Variants in NR3C2 observed in about 807,000 individuals in gnomAD.
NR3C2 encodes mineralocorticoid receptor.
A neutral mutation model predicts 86.4 loss-of-function variants in NR3C2; 15 were observed. The ratio of observed to expected loss-of-function variants is 0.17; its 90% CI spans 0.12 to 0.27. The LOEUF is 0.27. Among genes scored for constraint, NR3C2 ranks in the 10% least tolerant of loss-of-function variants. The pLI is 1.00. For missense variants in NR3C2, 960 were observed against 1,195.6 expected, an observed-to-expected ratio of 0.80 and a Z score of 2.91; for synonymous variants, 458 against 450.5, an observed-to-expected ratio of 1.02 and a Z score of -0.21.
rs148768869 is a variant in NR3C2, at chr4:148,106,206, C to T, written c.2799+7898G>A. Among the ~76,000 whole-genome samples, 340 of 152,252 alleles carry T rather than the reference C, an allele frequency of 2.2e-3. 1 individual carries two copies. Among genetic ancestry groups the T allele is most frequent in the African/African-American group, 6.7e-3 (277 of 41,550 alleles). ...AAATGTGCAAAAATCACAAGCATTG[C>T]CATACACCAACAATAGGCAAGCAAA... On this transcript the variant is annotated intron_variant, in intron 8 of 8. Transcript: ENST00000358102.
intron 2 of NR3C2, among the ~76,000 whole-genome samples, chr4:148,338,567 A>G (rs998153282): frequency 1.3e-5 from 2 of 152,206 alleles, no homozygotes; most frequent in African/African-American, 4.8e-5. Flanking sequence ...GGGGTTATGC[A>G]GCTAAAATAC....
At chr4:148,113,824 A>C (rs920861209) in intron 8 of NR3C2, among the ~76,000 whole-genome samples, 2 of 152,194 alleles carry the variant, frequency 1.3e-5, no homozygotes, top group African/African-American at 4.8e-5. Context: ...GGAGGTTGCT[A>C]GGCGAAAATG....
intron 4 of NR3C2, among the ~76,000 whole-genome samples, chr4:148,170,235 T>C (rs1735060767): frequency 1.3e-5 from 2 of 152,136 alleles, no homozygotes; most frequent in African/African-American, 2.4e-5. Flanking sequence ...AGGGGTAAAA[T>C]CACCCCTGGT....
At chr4:148,340,679 A>G (rs1744708140) in intron 2 of NR3C2, among the ~76,000 whole-genome samples, 1 of 152,160 alleles carries the variant, frequency 6.6e-6, no homozygotes, top group African/African-American at 2.4e-5. Flanking sequence ...AAAAGAAACA[A>G]CAAAGAGATA....
intron 2 of NR3C2, among the ~76,000 whole-genome samples, chr4:148,333,536 T>TAAAAAAAAAAAAAAAA (rs372805275): frequency 0.053 from 8,044 of 151,116 alleles, 277 homozygotes; most frequent in East Asian, 0.13. Context: ...AAAGTCTCCT[T>TAAAAAAAAAAAAAAAA]AAAATCTCCC....
chr4:148,089,029 CTATAGTT>C (rs1458357949), intron 8 of NR3C2, among the ~76,000 whole-genome samples: 3 of 152,142 alleles, frequency 2.0e-5, no homozygotes, highest in Admixed American at 6.5e-5. Context: ...CAAAATAACT[CTATAGTT>C]TAATAGTCTG....
At chr4:148,439,227 C>T (rs2126664873) in intron 1 of NR3C2, among the ~76,000 whole-genome samples, 1 of 152,254 alleles carries the variant, frequency 6.6e-6, no homozygotes, top group South Asian at 2.1e-4. Context: ...TTATATGCTG[C>T]TTCTATTTCT....
At chr4:148,402,891 A>G (rs1426396722) in intron 2 of NR3C2, among the ~76,000 whole-genome samples, 1 of 152,124 alleles carries the variant, frequency 6.6e-6, no homozygotes, top group Admixed American at 6.5e-5. Context: ...TAAACAAGTA[A>G]ATTTATAGAA....
intron 3 of NR3C2, among the ~76,000 whole-genome samples, chr4:148,235,546 A>G (rs2149841711): frequency 6.6e-6 from 1 of 152,308 alleles, no homozygotes; most frequent in South Asian, 2.1e-4. Flanking sequence ...TTTAAAATAT[A>G]ACACAACCAT....
chr4:148,387,801 G>T (rs1450337056), intron 2 of NR3C2, among the ~76,000 whole-genome samples: 1 of 152,198 alleles, frequency 6.6e-6, no homozygotes, highest in Non-Finnish European at 1.5e-5. Context: ...AACTAGGCAT[G>T]TTGTTTTCCC....
At chr4:148,249,475 T>A (rs1022314714) in intron 3 of NR3C2, among the ~76,000 whole-genome samples, 2 of 152,226 alleles carry the variant, frequency 1.3e-5, no homozygotes. Context: ...TTCAATCTTG[T>A]TGATAGTTAT....
intron 2 of NR3C2, among the ~76,000 whole-genome samples, chr4:148,406,343 G>C (rs1748423487): frequency 6.6e-6 from 1 of 152,150 alleles, no homozygotes; most frequent in South Asian, 2.1e-4. Context: ...GGTAAGTATA[G>C]AGAAGGGGAA....
intron 8 of NR3C2, among the ~76,000 whole-genome samples, chr4:148,090,269 GGGA>G (rs1339421368): frequency 6.6e-6 from 1 of 152,232 alleles, no homozygotes; most frequent in African/African-American, 2.4e-5. Flanking sequence ...GACGAGGGAA[GGGA>G]GGAGGTGCAG....
intron 2 of NR3C2, among the ~76,000 whole-genome samples, chr4:148,429,691 A>G (rs1749711208): frequency 6.6e-6 from 1 of 152,256 alleles, no homozygotes; most frequent in South Asian, 2.1e-4. Context: ...TCACAAGTTT[A>G]AAACCAGAGA....
intron 8 of NR3C2, among the ~76,000 whole-genome samples, chr4:148,113,595 C>A (rs1732139967): frequency 2.0e-5 from 3 of 152,132 alleles, no homozygotes; most frequent in Non-Finnish European, 4.4e-5. Flanking sequence ...TCCCAAAGCC[C>A]TGTGTATGGC....
intron 4 of NR3C2, among the ~76,000 whole-genome samples, chr4:148,174,587 G>C (rs1023984214): frequency 6.6e-6 from 1 of 152,210 alleles, no homozygotes; most frequent in African/African-American, 2.4e-5. Context: ...GAGCATGTAG[G>C]GGGCAAGGCA....
chr4:148,385,751 C>T (rs1747233623), intron 2 of NR3C2, among the ~76,000 whole-genome samples: 1 of 152,110 alleles, frequency 6.6e-6, no homozygotes, highest in Non-Finnish European at 1.5e-5. Flanking sequence ...CTCCCCCATG[C>T]CACCTGCATC....
intron 3 of NR3C2, among the ~76,000 whole-genome samples, chr4:148,202,768 G>C (rs1035431959): frequency 1.5e-4 from 23 of 152,180 alleles, no homozygotes; most frequent in Non-Finnish European, 1.3e-4. Context: ...CCTAAGAAAG[G>C]CCCTAAGGTT....
chr4:148,128,702 GTTTTA>G (rs79401134), intron 6 of NR3C2, among the ~76,000 whole-genome samples: 20,823 of 152,026 alleles, frequency 0.14, 1,657 homozygotes, highest in African/African-American at 0.21. Context: ...TCACCTTTGA[GTTTTA>G]GGGGCTAGTT....
Sources: allele counts gnomAD v4.1 joint callset (sites outside exome capture counted in the v4.1 genomes callset), GRCh38; gene constraint gnomAD v4.1.1; transcripts MANE v1.5; gene names NCBI Gene and HGNC (gene_info 2026-07-23, HGNC 2026-07-21).